The following LIMCH1 variants were observed in gnomAD, a reference collection of about 807,000 sequenced individuals.
LIMCH1 encodes LIM and calponin homology domains-containing protein 1.
Under a neutral mutation model 176.5 loss-of-function variants are expected in LIMCH1, and 113 were observed. That is an observed-to-expected ratio of 0.64 (90% CI 0.55 to 0.75). LIMCH1 has a LOEUF of 0.75. Among genes scored for constraint, LIMCH1 ranks in the 30% least tolerant of loss-of-function variants. The pLI, the probability that LIMCH1 is intolerant of heterozygous loss-of-function variation, is 0.00. For missense variants in LIMCH1, 1,674 were observed against 1,814.9 expected (o/e 0.92, Z 1.41); for synonymous variants, 619 against 645.9 (o/e 0.96, Z 0.63).
At chr4:41,476,661 G>A (rs2067793688) in intron 1 of LIMCH1, among the ~76,000 whole-genome samples, 1 of 152,184 alleles carries the variant, frequency 6.6e-6, no homozygotes, top group Non-Finnish European at 1.5e-5. Flanking sequence ...GAAATATTTT[G>A]TTCCAAAAAT....
intron 1 of LIMCH1, among the ~76,000 whole-genome samples, chr4:41,486,238 T>C (rs964888919): frequency 6.6e-6 from 1 of 152,178 alleles, no homozygotes. Flanking sequence ...TCTGCTAAGC[T>C]TCCCGTTCTC....
At chr4:41,477,163 A>C (rs1431276240) in intron 1 of LIMCH1, among the ~76,000 whole-genome samples, 1 of 152,214 alleles carries the variant, frequency 6.6e-6, no homozygotes, top group Non-Finnish European at 1.5e-5. Context: ...GAAATTGGGC[A>C]AATTACTTAA....
chr4:41,576,927 T>C (rs1173490527), intron 1 of LIMCH1, among the ~76,000 whole-genome samples: 1 of 152,196 alleles, frequency 6.6e-6, no homozygotes, highest in Admixed American at 6.5e-5. Flanking sequence ...TACACTGATA[T>C]GCAGATTTTC....
intron 1 of LIMCH1, among the ~76,000 whole-genome samples, chr4:41,432,258 CAG>C (rs1362334090): frequency 1.3e-5 from 2 of 152,138 alleles, no homozygotes; most frequent in African/African-American, 4.8e-5. Flanking sequence ...CTAAAAATAA[CAG>C]GGTGTATTGT....
intron 1 of LIMCH1, among the ~76,000 whole-genome samples, chr4:41,427,395 C>T (rs575724617): frequency 6.6e-6 from 1 of 152,270 alleles, no homozygotes; most frequent in Admixed American, 6.5e-5. Context: ...TGTTTTCCTT[C>T]GGCCTGAGGG....
At chr4:41,478,211 G>A (rs930101128) in intron 1 of LIMCH1, among the ~76,000 whole-genome samples, 2 of 152,174 alleles carry the variant, frequency 1.3e-5, no homozygotes, top group Non-Finnish European at 2.9e-5. Context: ...TATTGAAGGT[G>A]AACAGTCTTG....
chr4:41,507,039 T>C (rs1372616340), intron 2 of LIMCH1, among the ~76,000 whole-genome samples: 5 of 152,204 alleles, frequency 3.3e-5, no homozygotes, highest in Admixed American at 3.3e-4. Flanking sequence ...GTTTGAATAT[T>C]TATCAGAATG....
chr4:41,574,135 G>C (rs1387640079), intron 1 of LIMCH1, among the ~76,000 whole-genome samples: 1 of 151,920 alleles, frequency 6.6e-6, no homozygotes, highest in African/African-American at 2.4e-5. Context: ...AATCAGGTGG[G>C]ATCTGGCAGG....
intron 2 of LIMCH1, among the ~76,000 whole-genome samples, chr4:41,501,768 T>A (rs2073311912): frequency 6.6e-6 from 1 of 151,682 alleles, no homozygotes; most frequent in Non-Finnish European, 1.5e-5. Flanking sequence ...GTCCACTGTA[T>A]TAAATCTTTA....
At chr4:41,449,289 T>C (rs1243139269) in intron 1 of LIMCH1, among the ~76,000 whole-genome samples, 1 of 152,186 alleles carries the variant, frequency 6.6e-6, no homozygotes, top group African/African-American at 2.4e-5. Flanking sequence ...ACGTGGAATG[T>C]TCTCCCTGTC....
At chr4:41,527,680 A>G (rs916986247) in intron 3 of LIMCH1, among the ~76,000 whole-genome samples, 3 of 152,056 alleles carry the variant, frequency 2.0e-5, no homozygotes, top group Admixed American at 6.6e-5. Flanking sequence ...AAAATTAGCC[A>G]GGCGCGGTGG....
At chr4:41,386,515 G>T (rs10005775) in intron 1 of LIMCH1, among the ~76,000 whole-genome samples, 1,893 of 152,324 alleles carry the variant, frequency 0.012, 37 homozygotes, top group African/African-American at 0.042. Flanking sequence ...AATTATTGAA[G>T]AATCTACAAG....
intron 5 of LIMCH1, among the ~76,000 whole-genome samples, chr4:41,616,580 A>G (rs889661828): frequency 3.9e-5 from 6 of 152,092 alleles, no homozygotes; most frequent in East Asian, 1.9e-4. Context: ...ATCACATGCT[A>G]GATTACATTC....
intron 1 of LIMCH1, among the ~76,000 whole-genome samples, chr4:41,442,748 A>T (rs1355931790): frequency 6.6e-6 from 1 of 152,244 alleles, no homozygotes; most frequent in Non-Finnish European, 1.5e-5. Flanking sequence ...TTAACTATGG[A>T]TTGAATTTTA....
At position 41,573,934 on chromosome 4, in the gene LIMCH1, G is replaced by A. The variant is rs75405161; in HGVS notation, c.-240-24986G>A. On this transcript the variant is annotated intron_variant, in intron 1 of 31. Transcript: ENST00000503057. ...TAAAGAGCTATTTTTAAAGTTCTGTGTCCTGGACCTTTGCCATAAGCTCCC... is the reference window on the plus strand; with the variant it reads ...TAAAGAGCTATTTTTAAAGTTCTGTATCCTGGACCTTTGCCATAAGCTCCC... Among the ~76,000 whole-genome samples, 8 of 152,276 alleles carry A rather than the reference G, an allele frequency of 5.3e-5. No homozygotes were observed. In the East Asian group the frequency reaches 1.5e-3, roughly 29 times the overall value.
chr4:41,400,872 G>GT (rs1265712338), intron 1 of LIMCH1, among the ~76,000 whole-genome samples: 1 of 152,044 alleles, frequency 6.6e-6, no homozygotes, highest in African/African-American at 2.4e-5. Flanking sequence ...CCCGCTTTTT[G>GT]TTTTATTAAA....
Position 41,620,587 on chromosome 4 carries a change from C to T in LIMCH1, c.622C>T (p.Pro208Ser). 6.5e-7 allele frequency: 1 copy of T among 1,536,166 alleles called. No homozygotes were observed. Reference sequence around the variant, plus strand: ...TTCTTCAGACGGGGCTGTGGTGGCACCAGCTCCCAAGTCTGAAGAAAAAGA... The same window carrying T: ...TTCTTCAGACGGGGCTGTGGTGGCATCAGCTCCCAAGTCTGAAGAAAAAGA... ...HPSSDGAVVA[P>S]APKSEEKDAA... The change falls in exon 7 of 32, where the codon CCA (proline) becomes TCA (serine). Residue 208 changes from proline to serine, a missense_variant. Coordinates refer to ENST00000503057, the MANE Select transcript of LIMCH1 (RefSeq NM_001330672.2).
At chr4:41,425,154 C>G (rs1032696989) in intron 1 of LIMCH1, among the ~76,000 whole-genome samples, 1 of 152,036 alleles carries the variant, frequency 6.6e-6, no homozygotes, top group Admixed American at 6.6e-5. Context: ...TCCTTCTGAA[C>G]GTTTAAAAAG....
chr4:41,638,981 T>C lies in LIMCH1; in HGVS notation c.2126+14T>C. The C allele has an allele frequency of 1.3e-6, 2 of 1,568,386 alleles. No homozygotes were observed. Among genetic ancestry groups the C allele is most frequent in the Non-Finnish European group, 1.7e-6 (2 of 1,161,828 alleles). ...TGATGACGCAGAGTAAGTTGCCTTG[T>C]ATTTGTAGGATTACATTAATTACTA... is the stretch of plus-strand genomic sequence containing the variant. On this transcript the variant is annotated intron_variant, in intron 14 of 31. Transcript: ENST00000503057.
Sources: gnomAD v4.1 joint callset for allele counts (sites outside exome capture counted in the v4.1 genomes callset) on GRCh38, gnomAD v4.1.1 for gene constraint, MANE v1.5 for transcripts, NCBI Gene and HGNC (gene_info 2026-07-23, HGNC 2026-07-21) for gene names.